ATRNL1: variants seen among roughly 807,000 people sequenced by gnomAD.
ATRNL1 encodes the protein attractin-like protein 1.
In ATRNL1, 95 loss-of-function variants were observed where a neutral mutation model predicts 182.7. The observed-to-expected ratio is 0.52, with a 90% CI of 0.44 to 0.62. The LOEUF is 0.62. Among genes scored for constraint, ATRNL1 ranks in the 20% least tolerant of loss-of-function variants. ATRNL1 has a pLI of 0.00. For missense variants in ATRNL1, 1,471 were observed against 1,679.5 expected (o/e 0.88, Z 2.17); for synonymous variants, 576 against 568.3 (o/e 1.01, Z -0.19).
intron 13 of ATRNL1, among the ~76,000 whole-genome samples, chr10:115,277,535 G>T (rs1304134905): frequency 6.6e-6 from 1 of 151,996 alleles, no homozygotes; most frequent in Non-Finnish European, 1.5e-5. Flanking sequence ...CAAATATTTA[G>T]CTCCATTACA....
chr10:115,249,590 C>T (rs1554904952), intron 10 of ATRNL1, among the ~76,000 whole-genome samples: 1 of 151,970 alleles, frequency 6.6e-6, no homozygotes, highest in African/African-American at 2.4e-5. Flanking sequence ...ATTTTTTGAT[C>T]TTATGTGTAT....
At chr10:115,468,556 C>T (rs1165861627) in intron 23 of ATRNL1, among the ~76,000 whole-genome samples, 1 of 135,744 alleles carries the variant, frequency 7.4e-6, no homozygotes, top group Admixed American at 7.6e-5. Context: ...ATTTTATTAA[C>T]TTCAGTAAAT....
intron 26 of ATRNL1, chr10:115,597,604 C>A (rs1387562564): frequency 1.0e-4 from 38 of 375,228 alleles, no homozygotes; most frequent in African/African-American, 9.4e-4. Context: ...CAGAGTCACA[C>A]TCTTGTCACC....
At chr10:115,251,576 A>G (rs1397348055) in intron 10 of ATRNL1, among the ~76,000 whole-genome samples, 1 of 152,100 alleles carries the variant, frequency 6.6e-6, no homozygotes, top group Non-Finnish European at 1.5e-5. Flanking sequence ...ATTCTTAGTG[A>G]TGCTAGTGTC....
At chr10:115,757,764 G>A (rs782138980) in intron 27 of ATRNL1, among the ~76,000 whole-genome samples, 5 of 152,054 alleles carry the variant, frequency 3.3e-5, no homozygotes, top group East Asian at 1.9e-4. Flanking sequence ...TTTCCAACTC[G>A]GTTCCATTCT....
intron 5 of ATRNL1, among the ~76,000 whole-genome samples, chr10:115,140,825 T>C (rs141324942): frequency 1.3e-5 from 2 of 152,292 alleles, no homozygotes; most frequent in African/African-American, 4.8e-5. Flanking sequence ...TTAATAGTTT[T>C]GTTGCGTAGT....
At chr10:115,221,257 T>C (rs572079541) in intron 9 of ATRNL1, among the ~76,000 whole-genome samples, 5 of 152,284 alleles carry the variant, frequency 3.3e-5, no homozygotes, top group Admixed American at 1.3e-4. Flanking sequence ...TAACAGGGTG[T>C]TGAGAACCCT....
chr10:115,177,895 G>GTTTTT (rs1451534197), intron 8 of ATRNL1, among the ~76,000 whole-genome samples: 1 of 96,558 alleles, frequency 1.0e-5, no homozygotes, highest in Non-Finnish European at 2.3e-5. Flanking sequence ...TTTTGGTTTT[G>GTTTTT]TTTTTTTGTT....
intron 28 of ATRNL1, among the ~76,000 whole-genome samples, chr10:115,926,322 G>A (rs1198057402): frequency 0.021 from 1 of 48 alleles, no homozygotes. Flanking sequence ...ACCTCAAATC[G>A]GACACCCTAA....
In ATRNL1 at chr10:115,383,473, A is replaced by G. The variant is rs74158307; in HGVS notation, c.3176-11186A>G. ...ACTATGTGTATAGTTAGATATTTGT[A>G]TATGTGTATAAGACTTGCAGACATT... On this transcript the variant is annotated intron_variant, in intron 19 of 28. Transcript: ENST00000355044. 7.3e-3 allele frequency among the ~76,000 whole-genome samples: 1,103 copies of G among 152,046 alleles called. 14 individuals carry two copies. Among genetic ancestry groups the G allele is most frequent in the African/African-American group, 0.025 (1,056 of 41,526 alleles).
intron 26 of ATRNL1, among the ~76,000 whole-genome samples, chr10:115,567,279 A>G (rs1854125391): frequency 6.6e-6 from 1 of 152,164 alleles, no homozygotes; most frequent in Non-Finnish European, 1.5e-5. Flanking sequence ...ATTAAAGATA[A>G]TGCTTTTTTA....
chr10:115,811,545 G>C (rs1201139081), intron 27 of ATRNL1, among the ~76,000 whole-genome samples: 1 of 151,964 alleles, frequency 6.6e-6, no homozygotes, highest in Non-Finnish European at 1.5e-5. Flanking sequence ...CTTCCTCAGA[G>C]AGGAGTGTTA....
At chr10:115,611,294 A>G (rs991679821) in intron 26 of ATRNL1, among the ~76,000 whole-genome samples, 1 of 152,158 alleles carries the variant, frequency 6.6e-6, no homozygotes, top group African/African-American at 2.4e-5. Flanking sequence ...GGCTTACAAA[A>G]TATATGCATT....
At chr10:115,395,159 T>G (rs966356124) in intron 20 of ATRNL1, among the ~76,000 whole-genome samples, 7 of 151,978 alleles carry the variant, frequency 4.6e-5, no homozygotes, top group Non-Finnish European at 1.0e-4. Context: ...CTTAGGATAA[T>G]GTATCCATGT....
chr10:115,220,913 A>C (rs1395827795), intron 9 of ATRNL1, among the ~76,000 whole-genome samples: 1 of 152,114 alleles, frequency 6.6e-6, no homozygotes, highest in South Asian at 2.1e-4. Flanking sequence ...TTTTGATATG[A>C]GTCTGCAAGC....
At chr10:115,330,351 A>G (rs1554934654) in intron 18 of ATRNL1, among the ~76,000 whole-genome samples, 1 of 152,042 alleles carries the variant, frequency 6.6e-6, no homozygotes. Context: ...ATTTGTTTAG[A>G]TACTTATTTT....
intron 28 of ATRNL1, among the ~76,000 whole-genome samples, chr10:115,902,667 A>G (rs979029667): frequency 5.9e-5 from 9 of 152,206 alleles, no homozygotes; most frequent in Non-Finnish European, 1.0e-4. Context: ...TTTTCCCCCT[A>G]TGCTTTCTGT....
intron 18 of ATRNL1, among the ~76,000 whole-genome samples, chr10:115,318,628 A>G (rs1854426727): frequency 1.3e-5 from 2 of 151,880 alleles, no homozygotes; most frequent in African/African-American, 2.4e-5. Context: ...GGGTGTGTGT[A>G]TGTGTCCAGG....
chr10:115,314,034 C>T (rs1854169940), intron 17 of ATRNL1, among the ~76,000 whole-genome samples: 1 of 152,102 alleles, frequency 6.6e-6, no homozygotes, highest in Admixed American at 6.6e-5. Flanking sequence ...AGGAAATGTT[C>T]AGTTATCTAA....
Sources: gnomAD v4.1 joint callset for allele counts (sites outside exome capture counted in the v4.1 genomes callset) on GRCh38, gnomAD v4.1.1 for gene constraint, MANE v1.5 for transcripts, NCBI Gene and HGNC (gene_info 2026-07-23, HGNC 2026-07-21) for gene names.